KDM5A: variants seen among roughly 807,000 people sequenced by gnomAD.
KDM5A encodes the protein lysine-specific demethylase 5A.
Under a neutral mutation model 193.5 loss-of-function variants are expected in KDM5A, and 42 were observed. The ratio of observed to expected loss-of-function variants is 0.22; its 90% confidence interval spans 0.17 to 0.28. The LOEUF is 0.28. Among genes scored for constraint, KDM5A ranks in the 10% least tolerant of loss-of-function variants. The probability of loss-of-function intolerance (pLI) is 1.00; values close to 1 mark genes in which losing one functional copy is unlikely to be tolerated. For synonymous variants in KDM5A, 796 were observed against 718.1 expected, an observed-to-expected ratio of 1.11 and a Z score of -1.73; for missense variants, 1,692 against 2,055.1, an observed-to-expected ratio of 0.82 and a Z score of 3.42.
At chr12:388,020 T>G (rs1457434196) in intron 1 of KDM5A, among the ~76,000 whole-genome samples, 3 of 152,222 alleles carry the variant, frequency 2.0e-5, no homozygotes, top group Non-Finnish European at 4.4e-5. Context: ...TGAGACTAGT[T>G]GCTAGAAAAG....
chr12:321,132 T>A, intron 17 of KDM5A, 23 bp from the exon 18 acceptor site: 1 of 1,525,756 alleles, frequency 6.6e-7, no homozygotes, highest in Non-Finnish European at 9.1e-7. Context: ...AATATTGAGA[T>A]ATAAGTAAGA....
intron 10 of KDM5A, among the ~76,000 whole-genome samples, chr12:347,540 G>A (rs1383204114): frequency 6.6e-6 from 1 of 152,158 alleles, no homozygotes; most frequent in Non-Finnish European, 1.5e-5. Flanking sequence ...AACCAAAACA[G>A]CATGGTACTG....
In KDM5A at chr12:333,279, G is replaced by T. The variant is rs1170351438; in HGVS notation, c.1653+208C>A. ...ACAAAAAATACAACAATTAGCCGGG[G>T]GTGGTGGTGTGCTCCTATAGTCCCA... On this transcript the variant is annotated intron_variant, in intron 12 of 27. Coordinates refer to ENST00000399788, the MANE Select transcript of KDM5A (RefSeq NM_001042603.3). 6.7e-6 allele frequency: 4 copies of T among 594,616 alleles called. No homozygotes were observed. In the African/African-American group the frequency reaches 7.5e-5, roughly 11 times the overall value. The allele number at this position is 594,616 out of a possible 1,614,324, so 36.8% of individuals were successfully genotyped here. A position where few individuals can be genotyped will look rare whatever the true frequency, so the allele number is the denominator to read the frequency against.
chr12:338,139 TAA>T (rs746807834), intron 10 of KDM5A, among the ~76,000 whole-genome samples: 10 of 152,298 alleles, frequency 6.6e-5, no homozygotes, highest in Non-Finnish European at 1.5e-4. Flanking sequence ...AAAGGCCTAC[TAA>T]AAGTTTGGCC....
chr12:359,741 C>CA (rs1358759652), intron 5 of KDM5A, among the ~76,000 whole-genome samples: 5,791 of 37,710 alleles, frequency 0.15, 453 homozygotes, highest in East Asian at 0.47. Context: ...CACACTGCCT[C>CA]AAAAAAAAAA....
chr12:386,845 T>A (rs780972503), intron 1 of KDM5A, among the ~76,000 whole-genome samples: 37 of 151,562 alleles, frequency 2.4e-4, no homozygotes, highest in Non-Finnish European at 4.4e-4. Context: ...GTTACTCAAG[T>A]GGAATTCAAT....
intron 10 of KDM5A, among the ~76,000 whole-genome samples, chr12:348,523 A>G (rs1328429546): frequency 6.6e-6 from 1 of 152,216 alleles, no homozygotes; most frequent in African/African-American, 2.4e-5. Context: ...AATGTCCATC[A>G]ATGATAGACT....
chr12:323,210 CAAAAAAA>C lies in KDM5A; in HGVS notation c.2151-11_2151-5del, dbSNP rs60377454. 1.2e-3 allele frequency: 370 copies of C among 296,924 alleles called. No homozygotes were observed. Among genetic ancestry groups the C allele is most frequent in the Middle Eastern group, 2.7e-3 (2 of 738 alleles). 18.4% of individuals were successfully genotyped at this position (296,924 alleles called of 1,614,324 possible). On this transcript the variant is annotated splice_polypyrimidine_tract_variant and splice_region_variant and intron_variant, in intron 15 of 27. Coordinates refer to ENST00000399788, the MANE Select transcript of KDM5A (RefSeq NM_001042603.3). ...GTCTTCTAATGGGTAGCGATATCTACAAAAAAAAAAAAAAAAAAAAAAAAAAAAAGAA... is the reference window on the plus strand; with the variant it reads ...GTCTTCTAATGGGTAGCGATATCTACAAAAAAAAAAAAAAAAAAAAAAGAA...
Position 388,455 on chromosome 12 carries a change from A to T in KDM5A, c.165+472T>A, listed in dbSNP as rs1460629260. Reference sequence around the variant, plus strand: ...TTCACTGCGGCAATAATTAGTCTGGAGTTCTTGTCTAGTAATACCATCCGG... The same window carrying T: ...TTCACTGCGGCAATAATTAGTCTGGTGTTCTTGTCTAGTAATACCATCCGG... On this transcript the variant is annotated intron_variant, in intron 1 of 27. Coordinates refer to ENST00000399788, the MANE Select transcript of KDM5A (RefSeq NM_001042603.3). The T allele has an allele frequency of 1.5e-5, 6 of 389,910 alleles. No individual in the cohort carries two copies. The East Asian group carries it at 4.3e-4, about 28-fold the overall frequency. The allele number at this position is 389,910 out of a possible 1,614,324, so 24.2% of individuals were successfully genotyped here. A position where few individuals can be genotyped will look rare whatever the true frequency, so the allele number is the denominator to read the frequency against.
chr12:288,291 TGTC>T (rs924946368), intron 27 of KDM5A, among the ~76,000 whole-genome samples: 1 of 152,206 alleles, frequency 6.6e-6, no homozygotes, highest in Non-Finnish European at 1.5e-5. Flanking sequence ...CTGTATAAAT[TGTC>T]ATTTCCCCCC....
chr12:318,179 T>C lies in KDM5A; in HGVS notation c.2824A>G (p.Met942Val), dbSNP rs775852708. ...LAPHHAVEKA[M>V]AELQELLTVS... is the part of the protein sequence containing the mutation. ...GTAAGGAGCTCCTGTAGTTCAGCCA[T>C]TGCTTTCTCCACAGCATGGTGGGGT... The change falls in exon 19 of 28, where the codon ATG (methionine) becomes GTG (valine). Residue 942 changes from methionine to valine, a missense_variant. Met to Val is a conservative substitution (Grantham distance 21). Around this residue, in one of 11 missense-constraint regions of KDM5A, gnomAD observed 965 missense variants for 1,061.0 expected, o/e 0.91. Coordinates refer to ENST00000399788, the MANE Select transcript of KDM5A (RefSeq NM_001042603.3). 4 of 1,614,224 alleles carry C rather than the reference T, an allele frequency of 2.5e-6. No homozygotes were observed. Among genetic ancestry groups the C allele is most frequent in the Non-Finnish European group, 3.4e-6 (4 of 1,180,032 alleles).
At position 323,732 on chromosome 12, in the gene KDM5A, T is replaced by A; in HGVS notation, c.2018A>T (p.Glu673Val). 6.2e-7 allele frequency: 1 copy of A among 1,614,116 alleles called. No individual in the cohort carries two copies. Among genetic ancestry groups the A allele is most frequent in the Non-Finnish European group, 8.5e-7 (1 of 1,179,950 alleles). The change falls in exon 15 of 28, where the codon GAG becomes GTG. Residue 673 changes from glutamate (E) to valine (V), a missense_variant. By Grantham distance (121) the Glu-to-Val change is moderately radical (BLOSUM62 -2). Transcript: ENST00000399788. The stretch of plus-strand genomic sequence containing the variant: ...GGTTCTGCATGCTGAACACTGCCGC[T>A]CATCATCAGGAACAAGTTCAAACAC... ...EEVFELVPDD[E>V]RQCSACRTTC...
rs1943741680 is a variant in KDM5A at position 323,210 on chromosome 12, C to CAAAAAAAAAAACAAA, written c.2151-5_2151-4insTTTGTTTTTTTTTTT. On this transcript the variant is annotated splice_polypyrimidine_tract_variant and splice_region_variant and intron_variant, in intron 15 of 27. Transcript: ENST00000399788. ...GTCTTCTAATGGGTAGCGATATCTA[C>CAAAAAAAAAAACAAA]AAAAAAAAAAAAAAAAAAAAAAAAA... 1 of 265,280 alleles carries CAAAAAAAAAAACAAA rather than the reference C, an allele frequency of 3.8e-6. No individual in the cohort carries two copies. The highest frequency in any genetic ancestry group is 9.3e-5 in the East Asian group (1 of 10,760). 16.4% of individuals were successfully genotyped at this position (265,280 alleles called of 1,614,324 possible).
intron 3 of KDM5A, among the ~76,000 whole-genome samples, chr12:380,225 C>T (rs751472484): frequency 2.0e-4 from 30 of 150,122 alleles, no homozygotes; most frequent in African/African-American, 2.7e-4. Flanking sequence ...GCCGAGATCA[C>T]GCCTCTAGCC....
chr12:301,703 AAAGGGTATTCAAATAGGAACAGAGG>A (rs1247539260), intron 24 of KDM5A, among the ~76,000 whole-genome samples: 1 of 152,232 alleles, frequency 6.6e-6, no homozygotes, highest in Non-Finnish European at 1.5e-5. Context: ...AGAAAGAAAT[AAAGGGTATTCAAATAGGAACAGAGG>A]AAGTCAAACT....
intron 3 of KDM5A, among the ~76,000 whole-genome samples, chr12:366,642 G>A (rs1442690147): frequency 6.6e-6 from 1 of 152,136 alleles, no homozygotes; most frequent in Non-Finnish European, 1.5e-5. Flanking sequence ...AAGGAACACT[G>A]AAAAAGATTA....
intron 24 of KDM5A, among the ~76,000 whole-genome samples, chr12:298,240 A>T (rs1268582988): frequency 6.6e-6 from 1 of 152,216 alleles, no homozygotes; most frequent in African/African-American, 2.4e-5. Context: ...GCCCCCGTGC[A>T]TCCTGACGGG....
rs187390764 is a variant in KDM5A, at chr12:322,606, T to C, written c.2276-39A>G. 3.2e-5 allele frequency: 50 copies of C among 1,577,532 alleles called. 1 individual carries two copies. The highest frequency in any genetic ancestry group is 2.0e-4 in the South Asian group (18 of 90,132). ...AATAAAGAGCCATATACAATAACCATAGACACAAAAAGCCATTCTAAAATC... is the reference window on the plus strand; with the variant it reads ...AATAAAGAGCCATATACAATAACCACAGACACAAAAAGCCATTCTAAAATC... On this transcript the variant is annotated intron_variant, in intron 16 of 27. Transcript: ENST00000399788.
intron 4 of KDM5A, among the ~76,000 whole-genome samples, chr12:363,771 T>TA (rs1944319826): frequency 6.6e-6 from 1 of 151,394 alleles, no homozygotes; most frequent in South Asian, 2.1e-4. Context: ...AAAAAAGAAA[T>TA]AAAAAAATGG....
Sources: gnomAD v4.1 joint callset for allele counts (sites outside exome capture counted in the v4.1 genomes callset) on GRCh38, gnomAD v4.1.1 for gene constraint, gnomAD v4.1.1 regional missense constraint, MANE v1.5 for transcripts, NCBI Gene and HGNC (gene_info 2026-07-23, HGNC 2026-07-21) for gene names.